The following TRAPPC9 variants were observed in gnomAD, a reference collection of about 807,000 sequenced individuals.
TRAPPC9 encodes IKK2 binding protein.
TRAPPC9 carries 83 observed loss-of-function variants against 124.0 expected under a neutral mutation model. That is an observed-to-expected ratio of 0.67 (90% CI 0.56 to 0.80). The LOEUF (loss-of-function observed/expected upper bound fraction) is 0.80. Among genes scored for constraint, TRAPPC9 ranks in the 30% least tolerant of loss-of-function variants. The pLI is 0.00. For missense variants in TRAPPC9, 1,302 were observed against 1,508.3 expected (o/e 0.86, Z 2.27); for synonymous variants, 638 against 617.5 (o/e 1.03, Z -0.49).
At chr8:139,744,088 C>T (rs1401786115) in intron 21 of TRAPPC9, among the ~76,000 whole-genome samples, 1 of 152,240 alleles carries the variant, frequency 6.6e-6, no homozygotes, top group Admixed American at 6.5e-5. Context: ...CATGAACACG[C>T]ACTCACAGCC....
chr8:140,328,392 T>C (rs1210467003), intron 9 of TRAPPC9, among the ~76,000 whole-genome samples: 2 of 152,176 alleles, frequency 1.3e-5, no homozygotes, highest in African/African-American at 4.8e-5. Flanking sequence ...GAGGCATGGT[T>C]ATGTGTCAGA....
chr8:140,018,548 C>T (rs548521169), intron 18 of TRAPPC9, among the ~76,000 whole-genome samples: 33 of 151,140 alleles, frequency 2.2e-4, no homozygotes, highest in African/African-American at 7.5e-4. Context: ...AGGATGGTCT[C>T]GATCTCCTGA....
chr8:139,844,319 G>C (rs932671513), intron 21 of TRAPPC9, among the ~76,000 whole-genome samples: 9 of 152,214 alleles, frequency 5.9e-5, no homozygotes, highest in Non-Finnish European at 1.2e-4. Flanking sequence ...TCTTGGCAGA[G>C]TGCCTGGCAG....
intron 9 of TRAPPC9, among the ~76,000 whole-genome samples, chr8:140,335,894 C>G (rs114284664): frequency 0.015 from 2,308 of 151,742 alleles, 73 homozygotes; most frequent in African/African-American, 0.053. Context: ...TTCAGTAGAT[C>G]CAGGGATTTC....
chr8:140,100,981 C>G (rs1231228460), intron 17 of TRAPPC9, among the ~76,000 whole-genome samples: 2 of 152,226 alleles, frequency 1.3e-5, no homozygotes, highest in Admixed American at 1.3e-4. Context: ...CTATATGTGA[C>G]GTACTAATTT....
At chr8:140,139,474 CAGACGA>C (rs1196936426) in intron 17 of TRAPPC9, among the ~76,000 whole-genome samples, 29 of 152,146 alleles carry the variant, frequency 1.9e-4, no homozygotes, top group African/African-American at 6.0e-4. Context: ...CAAAAAGACA[CAGACGA>C]AAACATCCAT....
intron 21 of TRAPPC9, among the ~76,000 whole-genome samples, chr8:139,805,406 G>A (rs1823979188): frequency 6.6e-6 from 1 of 152,218 alleles, no homozygotes; most frequent in African/African-American, 2.4e-5. Context: ...TCGGCAGGTG[G>A]GGACCTGCAG....
chr8:140,047,795 A>G (rs1200224216), intron 17 of TRAPPC9, among the ~76,000 whole-genome samples: 1 of 152,152 alleles, frequency 6.6e-6, no homozygotes, highest in East Asian at 1.9e-4. Flanking sequence ...CTCTACCACC[A>G]CCCTTAGCAG....
chr8:140,458,465 T>C, upstream of TRAPPC9: 1 of 1,572,628 alleles, frequency 6.4e-7, no homozygotes, highest in East Asian at 2.4e-5. Flanking sequence ...TGGGAGCGCC[T>C]CCAGGATCGC....
At chr8:139,738,686 T>C (rs1466426696) in intron 21 of TRAPPC9, among the ~76,000 whole-genome samples, 2 of 152,186 alleles carry the variant, frequency 1.3e-5, no homozygotes, top group African/African-American at 2.4e-5. Context: ...CCACTAACCT[T>C]GTGGTCACTT....
At position 140,087,403 on chromosome 8, in the gene TRAPPC9, C is replaced by G. The variant is rs1195787542; in HGVS notation, c.2557-63324G>C. 6.6e-6 allele frequency among the ~76,000 whole-genome samples: 1 copy of G among 152,168 alleles called. No individual in the cohort carries two copies. The highest frequency in any genetic ancestry group is 1.5e-5 in the Non-Finnish European group (1 of 68,024). Reference sequence around the variant, plus strand: ...CTCACACTTCTCCCTCCAGCCCAGACCTCTCCCTGGAGCACAGATGGAACA... The same window carrying G: ...CTCACACTTCTCCCTCCAGCCCAGAGCTCTCCCTGGAGCACAGATGGAACA... On this transcript the variant is annotated intron_variant, in intron 17 of 22. Coordinates refer to ENST00000438773, the MANE Select transcript of TRAPPC9 (RefSeq NM_001160372.4). This position sits in a 1 kb window ranked among gnomAD's most constrained non-coding sequence, Gnocchi z 4.6.
chr8:140,404,190 AC>A (rs2069387485), intron 6 of TRAPPC9, among the ~76,000 whole-genome samples: 1 of 152,208 alleles, frequency 6.6e-6, no homozygotes, highest in Non-Finnish European at 1.5e-5. Flanking sequence ...CTTGAACATA[AC>A]CTATGATAAA....
intron 17 of TRAPPC9, among the ~76,000 whole-genome samples, chr8:140,144,528 G>A (rs1321819168): frequency 6.6e-6 from 1 of 151,488 alleles, no homozygotes; most frequent in Non-Finnish European, 1.5e-5. Flanking sequence ...TCACTCTTTT[G>A]CCCAGGCTGG....
At chr8:139,855,119 G>A (rs1011529360) in intron 21 of TRAPPC9, among the ~76,000 whole-genome samples, 3 of 152,300 alleles carry the variant, frequency 2.0e-5, no homozygotes, top group East Asian at 3.9e-4. Flanking sequence ...GAAGCCAATC[G>A]GGCCTACCTG....
chr8:140,205,152 T>C (rs571338402), intron 17 of TRAPPC9, among the ~76,000 whole-genome samples: 42 of 152,370 alleles, frequency 2.8e-4, no homozygotes, highest in African/African-American at 9.9e-4. Context: ...ATGATTCTAA[T>C]GTATAACTTA....
chr8:140,363,052 T>C (rs1407615741), intron 8 of TRAPPC9, among the ~76,000 whole-genome samples: 1 of 152,234 alleles, frequency 6.6e-6, no homozygotes, highest in Non-Finnish European at 1.5e-5. Flanking sequence ...TTTTCAATAC[T>C]CTTGTAATCA....
intron 19 of TRAPPC9, among the ~76,000 whole-genome samples, chr8:139,939,162 C>T (rs113243353): frequency 0.013 from 2,016 of 152,260 alleles, 48 homozygotes; most frequent in African/African-American, 0.046. Context: ...CACCATACTT[C>T]GCTAAGGGCT....
chr8:140,313,781 T>C (rs758494096), intron 9 of TRAPPC9, among the ~76,000 whole-genome samples: 4 of 152,070 alleles, frequency 2.6e-5, no homozygotes, highest in Admixed American at 6.6e-5. Flanking sequence ...GGATATGTAA[T>C]CAATTGTAAA....
intron 18 of TRAPPC9, among the ~76,000 whole-genome samples, chr8:140,019,973 T>C (rs749303916): frequency 6.6e-6 from 1 of 152,180 alleles, no homozygotes; most frequent in Non-Finnish European, 1.5e-5. Flanking sequence ...GCTAGGACTA[T>C]AGGGATGTCC....
Sources: allele counts gnomAD v4.1 joint callset (sites outside exome capture counted in the v4.1 genomes callset), GRCh38; gene constraint gnomAD v4.1.1; non-coding constraint Gnocchi (gnomAD v3.1); transcripts MANE v1.5; gene names NCBI Gene and HGNC (gene_info 2026-07-23, HGNC 2026-07-21).